TTC28: variants seen among roughly 807,000 people sequenced by gnomAD.
TTC28 encodes tetratricopeptide repeat protein 28.
TTC28 carries 61 observed loss-of-function variants against 198.0 expected under a neutral mutation model. The ratio of observed to expected loss-of-function variants is 0.31; its 90% CI spans 0.25 to 0.38. The LOEUF is 0.38. Among genes scored for constraint, TTC28 ranks in the 10% least tolerant of loss-of-function variants. TTC28 has a pLI of 1.00. For synonymous variants in TTC28, 1,171 were observed against 1,297.8 expected (o/e 0.90, Z 2.10); for missense variants, 2,678 against 3,164.0 (o/e 0.85, Z 3.69).
intron 2 of TTC28, among the ~76,000 whole-genome samples, chr22:28,531,306 C>G (rs2145899360): frequency 6.6e-6 from 1 of 152,234 alleles, no homozygotes; most frequent in East Asian, 1.9e-4. Flanking sequence ...TCAAAAGACA[C>G]AAAGAAGGCC....
chr22:28,086,981 T>C (rs1303415036), intron 12 of TTC28, among the ~76,000 whole-genome samples: 1 of 152,116 alleles, frequency 6.6e-6, no homozygotes, highest in East Asian at 1.9e-4. Flanking sequence ...AATATCTAAA[T>C]AGACCAATAA....
At chr22:28,520,238 A>G (rs2048876972) in intron 2 of TTC28, among the ~76,000 whole-genome samples, 1 of 152,228 alleles carries the variant, frequency 6.6e-6, no homozygotes, top group South Asian at 2.1e-4. Context: ...GCTTATCCTT[A>G]CAAAATTGAA....
At chr22:28,155,214 T>C (rs1272829988) in intron 6 of TTC28, among the ~76,000 whole-genome samples, 5 of 152,216 alleles carry the variant, frequency 3.3e-5, no homozygotes, top group African/African-American at 1.2e-4. Context: ...ATCAAACAAA[T>C]CATGTGCTTT....
chr22:28,598,117 A>C (rs748976910), intron 2 of TTC28, among the ~76,000 whole-genome samples: 24 of 152,150 alleles, frequency 1.6e-4, no homozygotes, highest in Admixed American at 2.6e-4. Context: ...AGTTTTCTTG[A>C]ATCGTTTTCC....
rs1936907718 is a variant in TTC28 at position 27,978,071 on chromosome 22, C to T, written c.*4150G>A. The T allele has an allele frequency of 6.6e-6, 1 of 152,106 alleles. No individual in the cohort carries two copies. The highest frequency in any genetic ancestry group is 1.5e-5 in the Non-Finnish European group (1 of 68,028). The allele number at this position is 152,106 out of a possible 1,614,324, so 9.4% of individuals were successfully genotyped here. ...ACTGAAAATCACAAAGGAGGAAGGCCAAGTGCCTTAGCAATCTCAATAAAA... is the reference window on the plus strand; with the variant it reads ...ACTGAAAATCACAAAGGAGGAAGGCTAAGTGCCTTAGCAATCTCAATAAAA... On this transcript the variant is annotated 3_prime_UTR_variant, in exon 23 of 23. Coordinates refer to ENST00000397906, the MANE Select transcript of TTC28 (RefSeq NM_001145418.2).
chr22:28,219,636 AAAT>A (rs1927696379), intron 5 of TTC28, among the ~76,000 whole-genome samples: 1 of 152,188 alleles, frequency 6.6e-6, no homozygotes, highest in Non-Finnish European at 1.5e-5. Context: ...CCCCTACGTA[AAAT>A]AAGAGATTAT....
At chr22:28,091,125 C>T (rs1941801380) in intron 12 of TTC28, among the ~76,000 whole-genome samples, 1 of 152,148 alleles carries the variant, frequency 6.6e-6, no homozygotes, top group South Asian at 2.1e-4. Flanking sequence ...CTCTCTCTAC[C>T]TTTGATGAAG....
At chr22:28,256,836 C>T (rs1930961147) in intron 5 of TTC28, among the ~76,000 whole-genome samples, 2 of 152,168 alleles carry the variant, frequency 1.3e-5, no homozygotes, top group African/African-American at 4.8e-5. Context: ...GCCAGAAGTT[C>T]AAGACCAGGC....
chr22:28,652,327 A>G (rs1337159308), intron 1 of TTC28, among the ~76,000 whole-genome samples: 1 of 152,236 alleles, frequency 6.6e-6, no homozygotes, highest in Non-Finnish European at 1.5e-5. Flanking sequence ...GGAAGCAGTG[A>G]TCTGGTTCAA....
At chr22:28,312,625 A>G (rs549571597) in intron 2 of TTC28, among the ~76,000 whole-genome samples, 2 of 152,302 alleles carry the variant, frequency 1.3e-5, no homozygotes, top group Admixed American at 1.3e-4. Flanking sequence ...GGTACATAAC[A>G]AAATGAAGGC....
At chr22:28,626,382 C>G (rs191765326) in intron 2 of TTC28, among the ~76,000 whole-genome samples, 112 of 151,890 alleles carry the variant, frequency 7.4e-4, no homozygotes, top group Middle Eastern at 3.4e-3. Context: ...TGGAGAGAGA[C>G]AGAAATTGGA....
At chr22:28,028,217 A>G (rs535148112) in intron 13 of TTC28, among the ~76,000 whole-genome samples, 85 of 152,314 alleles carry the variant, frequency 5.6e-4, no homozygotes, top group Middle Eastern at 3.4e-3. Context: ...AGGCCTTGCC[A>G]AGGGAGCTGG....
chr22:28,019,680 CG>C (rs1257130132), intron 13 of TTC28, among the ~76,000 whole-genome samples: 1 of 152,212 alleles, frequency 6.6e-6, no homozygotes. Flanking sequence ...CACAGAGGGC[CG>C]GGGGCTCCTC....
chr22:28,221,923 C>A lies in TTC28; in HGVS notation c.934-58324G>T, dbSNP rs906534728. On this transcript the variant is annotated intron_variant, in intron 5 of 22. Coordinates refer to ENST00000397906, the MANE Select transcript of TTC28 (RefSeq NM_001145418.2). ...ATATCTATCCATTCAACTTTGTATCCTTTGAACCTGGAATAGTGGCTGGCA... is the reference window on the plus strand; with the variant it reads ...ATATCTATCCATTCAACTTTGTATCATTTGAACCTGGAATAGTGGCTGGCA... Among the ~76,000 whole-genome samples the A allele has an allele frequency of 2.0e-5, 3 of 152,152 alleles. 1 individual carries two copies. In the South Asian group the frequency reaches 6.2e-4, roughly 32 times the overall value.
intron 2 of TTC28, among the ~76,000 whole-genome samples, chr22:28,625,202 G>A (rs982264318): frequency 5.9e-5 from 9 of 151,980 alleles, no homozygotes; most frequent in South Asian, 2.1e-4. Context: ...GCTAACCAGC[G>A]CAATAGAGCA....
rs1443770956 is a variant in TTC28, at chr22:28,107,916, G to A, written c.1929C>T (p.Ala643=). 2.6e-6 allele frequency: 4 copies of A among 1,551,572 alleles called. No homozygotes were observed. In the East Asian group the frequency reaches 9.8e-5, roughly 38 times the overall value. Reference sequence around the variant, plus strand: ...CCTGATAGTTTCCAAGGCAGTAATGGGCATAGCCAAGATTGTGGCAGACCT... The same window carrying A: ...CCTGATAGTTTCCAAGGCAGTAATGAGCATAGCCAAGATTGTGGCAGACCT... ...EGKVCHNLGY[A]HYCLGNYQEA... is the part of the protein sequence containing the mutation. Residue 643 remains alanine (A), a synonymous_variant, in exon 7 of 23, where the codon GCC becomes GCT. Coordinates refer to ENST00000397906, the MANE Select transcript of TTC28 (RefSeq NM_001145418.2).
In TTC28 at chr22:28,238,452, T is replaced by C. The variant is rs141786082; in HGVS notation, c.933+57746A>G. On this transcript the variant is annotated intron_variant, in intron 5 of 22. Coordinates refer to ENST00000397906, the MANE Select transcript of TTC28 (RefSeq NM_001145418.2). ...TTTCACAGAGCTTCCAGTTCTTTTA[T>C]ATTCTATCAAATGTTCTCTTCTAAA... is the stretch of plus-strand genomic sequence containing the variant. Among the ~76,000 whole-genome samples the C allele has an allele frequency of 2.1e-3, 325 of 152,346 alleles. 2 individuals carry two copies. Among genetic ancestry groups the C allele is most frequent in the African/African-American group, 7.3e-3 (304 of 41,590 alleles).
chr22:28,014,788 C>A (rs1050554248), intron 13 of TTC28, among the ~76,000 whole-genome samples: 4 of 152,328 alleles, frequency 2.6e-5, no homozygotes, highest in African/African-American at 9.6e-5. Flanking sequence ...AATTAAGGTA[C>A]CAAGGGGGCT....
At chr22:28,632,419 G>A (rs888313478) in intron 1 of TTC28, among the ~76,000 whole-genome samples, 33 of 151,594 alleles carry the variant, frequency 2.2e-4, no homozygotes, top group African/African-American at 7.8e-4. Context: ...TGGGATTACA[G>A]GCATGCACCA....
Sources: gnomAD v4.1 joint callset for allele counts (sites outside exome capture counted in the v4.1 genomes callset) on GRCh38, gnomAD v4.1.1 for gene constraint, MANE v1.5 for transcripts, NCBI Gene and HGNC (gene_info 2026-07-23, HGNC 2026-07-21) for gene names.